Variants in RBFOX1 observed in about 807,000 individuals in gnomAD.
RBFOX1 encodes the protein RNA binding protein fox-1 homolog 1.
RBFOX1 carries 8 observed loss-of-function variants against 57.7 expected under a neutral mutation model. The ratio of observed to expected loss-of-function variants is 0.14; its 90% confidence interval spans 0.08 to 0.25. The LOEUF is 0.25. Among genes scored for constraint, RBFOX1 ranks in the 10% least tolerant of loss-of-function variants. The pLI is 1.00. For synonymous variants in RBFOX1, 326 were observed against 222.4 expected (o/e 1.47, Z -4.15); for missense variants, 611 against 548.5 (o/e 1.11, Z -1.14).
intron 1 of RBFOX1, among the ~76,000 whole-genome samples, chr16:6,065,441 G>T (rs974851502): frequency 6.6e-6 from 1 of 152,134 alleles, no homozygotes; most frequent in Non-Finnish European, 1.5e-5. Context: ...TGCTTTTCTT[G>T]CTGGCTTTCT....
intron 1 of RBFOX1, among the ~76,000 whole-genome samples, chr16:5,406,316 A>G (rs750742515): frequency 9.9e-5 from 15 of 151,768 alleles, no homozygotes; most frequent in East Asian, 3.9e-4. Flanking sequence ...GTGCCATCCA[A>G]TCCGTCAAAG....
chr16:6,071,493 T>C (rs1265716409), intron 1 of RBFOX1, among the ~76,000 whole-genome samples: 1 of 152,072 alleles, frequency 6.6e-6, no homozygotes, highest in African/African-American at 2.4e-5. Context: ...TTTACCGATA[T>C]AACAAACCTG....
intron 4 of RBFOX1, among the ~76,000 whole-genome samples, chr16:7,496,747 G>GAAAAAAAAA (rs71150303): frequency 2.4e-5 from 3 of 127,504 alleles, no homozygotes; most frequent in East Asian, 2.4e-4. Context: ...CTACAGAACA[G>GAAAAAAAAA]AAAAAAAAAA....
At chr16:7,073,054 G>A (rs778180858) in intron 4 of RBFOX1, among the ~76,000 whole-genome samples, 11 of 152,134 alleles carry the variant, frequency 7.2e-5, no homozygotes, top group Non-Finnish European at 1.2e-4. Flanking sequence ...AGAGGCCAGG[G>A]TAGAGGTAGT....
chr16:5,548,362 C>G (rs2045322268), intron 2 of RBFOX1, among the ~76,000 whole-genome samples: 1 of 151,130 alleles, frequency 6.6e-6, no homozygotes, highest in East Asian at 1.9e-4. Flanking sequence ...TGCGCATGTA[C>G]TCCCTGAATC....
intron 4 of RBFOX1, among the ~76,000 whole-genome samples, chr16:7,155,291 G>C (rs1227104298): frequency 6.6e-6 from 1 of 151,994 alleles, no homozygotes; most frequent in Non-Finnish European, 1.5e-5. Flanking sequence ...CTTGAGAAAG[G>C]AATCGAGAGT....
intron 2 of RBFOX1, among the ~76,000 whole-genome samples, chr16:6,421,278 T>C (rs2093765074): frequency 6.6e-6 from 1 of 152,202 alleles, no homozygotes; most frequent in Non-Finnish European, 1.5e-5. Context: ...AGCCGCTCTC[T>C]ATGGGAGAAG....
intron 2 of RBFOX1, among the ~76,000 whole-genome samples, chr16:6,329,315 G>A (rs960026060): frequency 6.6e-6 from 1 of 152,146 alleles, no homozygotes; most frequent in African/African-American, 2.4e-5. Context: ...AGTGAGATAG[G>A]TTCTGCTAAT....
intron 3 of RBFOX1, among the ~76,000 whole-genome samples, chr16:6,850,305 T>C (rs2141939338): frequency 6.6e-6 from 1 of 152,196 alleles, no homozygotes; most frequent in East Asian, 1.9e-4. Flanking sequence ...TATTGACAGG[T>C]ACGATGAAAG....
At chr16:5,724,770 C>G (rs866658700) in intron 3 of RBFOX1, among the ~76,000 whole-genome samples, 1 of 152,154 alleles carries the variant, frequency 6.6e-6, no homozygotes, top group Non-Finnish European at 1.5e-5. Context: ...TGGCACCATA[C>G]TGGGTGCTTA....
intron 1 of RBFOX1, among the ~76,000 whole-genome samples, chr16:5,390,273 A>G (rs2066368528): frequency 1.4e-5 from 2 of 140,266 alleles, no homozygotes; most frequent in South Asian, 2.3e-4. Context: ...GTAAATATCG[A>G]AAAGTAGTTT....
intron 3 of RBFOX1, among the ~76,000 whole-genome samples, chr16:6,692,722 A>G (rs535890636): frequency 6.6e-6 from 1 of 152,102 alleles, no homozygotes; most frequent in Non-Finnish European, 1.5e-5. Flanking sequence ...ACTCCAAGTC[A>G]GAGTAATGTC....
intron 1 of RBFOX1, among the ~76,000 whole-genome samples, chr16:6,288,499 A>G (rs1163528712): frequency 6.6e-6 from 1 of 152,210 alleles, no homozygotes; most frequent in Non-Finnish European, 1.5e-5. Context: ...ACTATTGTAC[A>G]TACATGATTT....
At chr16:6,244,840 C>T (rs777218597) in intron 1 of RBFOX1, among the ~76,000 whole-genome samples, 9 of 152,136 alleles carry the variant, frequency 5.9e-5, no homozygotes, top group Admixed American at 2.0e-4. Flanking sequence ...TTTTGGTGTG[C>T]TGTTTTCTCC....
At chr16:5,630,035 T>C (rs1207746716) in intron 3 of RBFOX1, among the ~76,000 whole-genome samples, 1 of 152,156 alleles carries the variant, frequency 6.6e-6, no homozygotes, top group Non-Finnish European at 1.5e-5. Context: ...TTGCAGGAGA[T>C]CAATGCAGAT....
intron 4 of RBFOX1, among the ~76,000 whole-genome samples, chr16:7,133,101 A>G (rs1291424353): frequency 6.6e-6 from 1 of 152,192 alleles, no homozygotes; most frequent in Non-Finnish European, 1.5e-5. Context: ...TTTTGATATT[A>G]TGGTTTGTAT....
intron 1 of RBFOX1, among the ~76,000 whole-genome samples, chr16:5,431,520 AC>A (rs1293966693): frequency 6.6e-6 from 1 of 151,844 alleles, no homozygotes; most frequent in Non-Finnish European, 1.5e-5. Flanking sequence ...GATTACAGGC[AC>A]CCACCACCAT....
At chr16:7,418,501 C>G (rs2098506448) in intron 4 of RBFOX1, among the ~76,000 whole-genome samples, 1 of 152,140 alleles carries the variant, frequency 6.6e-6, no homozygotes, top group Non-Finnish European at 1.5e-5. Context: ...CTCTGCCTGA[C>G]ACAACATTTC....
chr16:7,401,725 G>C (rs4352066), intron 4 of RBFOX1, among the ~76,000 whole-genome samples: 2 of 152,040 alleles, frequency 1.3e-5, no homozygotes, highest in South Asian at 2.1e-4. Flanking sequence ...GAGGTAATGA[G>C]GAAATGTATT....
Sources: gnomAD v4.1 joint callset for allele counts (sites outside exome capture counted in the v4.1 genomes callset) on GRCh38, gnomAD v4.1.1 for gene constraint, MANE v1.5 for transcripts, NCBI Gene and HGNC (gene_info 2026-07-23, HGNC 2026-07-21) for gene names.